PPAN: variants seen among roughly 807,000 people sequenced by gnomAD.
PPAN encodes the protein suppressor of SWI4 1 homolog.
Under a neutral mutation model 48.5 loss-of-function variants are expected in PPAN, and 39 were observed. That is an observed-to-expected ratio of 0.80 (90% CI 0.62 to 1.05). PPAN has a LOEUF of 1.05. PPAN is among the 50% of genes least tolerant of loss of function. The pLI, the probability that PPAN is intolerant of heterozygous loss-of-function variation, is 0.00. For missense variants in PPAN, 736 were observed against 661.7 expected, an observed-to-expected ratio of 1.11 and a Z score of -1.23; for synonymous variants, 315 against 268.6, an observed-to-expected ratio of 1.17 and a Z score of -1.69.
In PPAN at chr19:10,110,144, C is replaced by T. The variant is rs747709880; in HGVS notation, c.720C>T (p.Ser240=). The T allele has an allele frequency of 3.1e-6, 5 of 1,610,360 alleles. No individual in the cohort carries two copies. Among genetic ancestry groups the T allele is most frequent in the Admixed American group, 1.7e-5 (1 of 60,014 alleles). Residue 240 remains serine (S), a synonymous_variant, in exon 8 of 12, where the codon AGC becomes AGT. Transcript: ENST00000253107. The surrounding 1 kb of genome is among the most constrained non-coding windows in gnomAD (Gnocchi z 5.9). ...ACAGGGGCGCGGGGCTGTCGGAGAG[C>T]GAGGCAGAGCCTGACGGCGACCACA... ...LLATGAGLSE[S]EAEPDGDHNI... is the part of the protein sequence containing the mutation.
chr19:10,107,915 G>A (rs543173159), intron 4 of PPAN, 49 bp from the exon 5 acceptor site: 14 of 1,601,260 alleles, frequency 8.7e-6, no homozygotes, highest in Middle Eastern at 1.7e-4. Context: ...GGGGTTGTCC[G>A]CAGCCATGTG....
intron 2 of PPAN, chr19:10,106,901 C>A: frequency 1.4e-6 from 1 of 731,334 alleles, no homozygotes; most frequent in South Asian, 1.8e-5. Flanking sequence ...AGACTGGAAT[C>A]TGGAGCCGGG....
rs1403846716 is a variant in PPAN, at chr19:10,110,356, GGTCCAGGAGGGC to G, written c.859_870del (p.Gln287_Val290del). 1 of 1,613,822 alleles carries G rather than the reference GGTCCAGGAGGGC, an allele frequency of 6.2e-7. No individual in the cohort carries two copies. Among genetic ancestry groups the G allele is most frequent in the Non-Finnish European group, 8.5e-7 (1 of 1,179,974 alleles). On this transcript the variant is annotated inframe_deletion, in exon 9 of 12. Transcript: ENST00000253107. This position sits in a 1 kb window ranked among gnomAD's most constrained non-coding sequence, Gnocchi z 5.9. ...CGCGGATGACACTGCAGCTCATCAA[GGTCCAGGAGGGC>G]GTCGGGGAGGGCAAAGTGATGTTCC... is the stretch of plus-strand genomic sequence containing the variant.
At position 10,107,859 on chromosome 19, in the gene PPAN, GA is replaced by G. The variant is rs1284944895; in HGVS notation, c.342+6del. ...TTGACCTTCCAGGTCAAGAAGGTGA[GA>G]GGGGTGGAGGTGGTACAAAGCCATG... On this transcript the variant is annotated splice_donor_region_variant and intron_variant, in intron 4 of 11. Coordinates refer to ENST00000253107, the MANE Select transcript of PPAN (RefSeq NM_020230.7). 9 of 1,612,870 alleles carry G rather than the reference GA, an allele frequency of 5.6e-6. No homozygotes were observed. The highest frequency in any genetic ancestry group is 2.2e-5 in the East Asian group (1 of 44,858).
intron 2 of PPAN, 179 bp downstream of exon 2, chr19:10,106,850 C>G: frequency 9.9e-7 from 1 of 1,013,224 alleles, no homozygotes; most frequent in Admixed American, 3.0e-5. Context: ...AGTGAGGGCG[C>G]GCAGCTTGGG....
Position 10,111,154 on chromosome 19 carries a change from A to G in PPAN, c.1411A>G (p.Arg471Gly). 6.3e-7 allele frequency: 1 copy of G among 1,591,684 alleles called. No individual in the cohort carries two copies. Among genetic ancestry groups the G allele is most frequent in the Non-Finnish European group, 8.5e-7 (1 of 1,170,892 alleles). ...CCGGGGCCGGGGCCGCCCAGGGAAG[A>G]GAGTGGCCTGAGCCCAAGCCGCACC... ...RGRGRGRPGK[R>G]VA Residue 471 changes from arginine to glycine, a missense_variant, in exon 12 of 12, where the codon AGA becomes GGA. By Grantham distance (125) the Arg-to-Gly change is moderately radical. Transcript: ENST00000253107.
At position 10,106,582 on chromosome 19, in the gene PPAN, T is replaced by C; in HGVS notation, c.100T>C (p.Phe34Leu). Reference sequence around the variant, plus strand: ...TGCCGCGAACCCGCACTCGTTCGTGTTCACGCGAGGCTGCACGGGTCGCAA... The same window carrying C: ...TGCCGCGAACCCGCACTCGTTCGTGCTCACGCGAGGCTGCACGGGTCGCAA... ...AYAANPHSFV[F>L]TRGCTGRNIR... The change falls in exon 2 of 12, where the codon TTC becomes CTC. Residue 34 changes from phenylalanine (F) to leucine (L), a missense_variant. Physicochemically the swap from Phe to Leu is conservative, Grantham distance 22. Transcript: ENST00000253107. 1 of 1,552,766 alleles carries C rather than the reference T, an allele frequency of 6.4e-7. No individual in the cohort carries two copies.
rs545005548 is a variant in PPAN, at chr19:10,111,507, C to T, written c.*342C>T. 269 of 644,052 alleles carry T rather than the reference C, an allele frequency of 4.2e-4. 1 individual carries two copies. In the South Asian group the frequency reaches 4.8e-3, roughly 12 times the overall value. 39.9% of individuals were successfully genotyped at this position (644,052 alleles called of 1,614,324 possible). A position where few individuals can be genotyped will look rare whatever the true frequency, so the allele number is the denominator to read the frequency against. ...CAGTCCCACCAAAGAGCCGTGCAAG[C>T]AGACAGGTCACACTTTCAGCAGATG... On this transcript the variant is annotated 3_prime_UTR_variant, in exon 12 of 12. Transcript: ENST00000253107.
At position 10,110,024 on chromosome 19, in the gene PPAN, A is replaced by AG. The variant is rs1196204058; in HGVS notation, c.698+6dup. ...ACATCAGCGAGCTGCTGGCCACGTG[A>AG]GGAGGGCATAGGGCGGGAGGCCACT... On this transcript the variant is annotated splice_donor_region_variant and intron_variant, in intron 7 of 11. Transcript: ENST00000253107. This position sits in a 1 kb window ranked among gnomAD's most constrained non-coding sequence, Gnocchi z 5.9. 1 of 1,613,788 alleles carries AG rather than the reference A, an allele frequency of 6.2e-7. No homozygotes were observed. Among genetic ancestry groups the AG allele is most frequent in the Non-Finnish European group, 8.5e-7 (1 of 1,179,884 alleles).
Position 10,110,130 on chromosome 19 carries a change from G to A in PPAN, c.706G>A (p.Gly236Arg). 1 of 1,610,728 alleles carries A rather than the reference G, an allele frequency of 6.2e-7. No individual in the cohort carries two copies. The highest frequency in any genetic ancestry group is 8.5e-7 in the Non-Finnish European group (1 of 1,179,896). Residue 236 changes from glycine (G) to arginine (R), a missense_variant, in exon 8 of 12, where the codon GGG becomes AGG. Transcript: ENST00000253107. The surrounding 1 kb of genome is among the most constrained non-coding windows in gnomAD (Gnocchi z 5.9). ...DISELLATGA[G>R]LSESEAEPDG... ...GTTATGTCCTACACACAGGGGCGCGGGGCTGTCGGAGAGCGAGGCAGAGCC... is the reference window on the plus strand; with the variant it reads ...GTTATGTCCTACACACAGGGGCGCGAGGCTGTCGGAGAGCGAGGCAGAGCC...
chr19:10,107,386 C>T (rs1276980207), intron 2 of PPAN, 119 bp from the exon 3 acceptor site: 2 of 1,061,132 alleles, frequency 1.9e-6, no homozygotes, highest in Admixed American at 2.5e-5. Flanking sequence ...TTTTGCTCCT[C>T]TGGGCTTGTT....
In PPAN at chr19:10,111,435, G is replaced by A; in HGVS notation, c.*270G>A. ...TGGGTCTCTCCCCTACCCTGCACGG[G>A]GTTGGTTTCATTGGTGGCAGCAGCA... On this transcript the variant is annotated 3_prime_UTR_variant, in exon 12 of 12. Coordinates refer to ENST00000253107, the MANE Select transcript of PPAN (RefSeq NM_020230.7). 1 of 628,864 alleles carries A rather than the reference G, an allele frequency of 1.6e-6. No homozygotes were observed. The highest frequency in any genetic ancestry group is 1.8e-5 in the African/African-American group (1 of 54,474). The allele number at this position is 628,864 out of a possible 1,614,324, so 39.0% of individuals were successfully genotyped here. A position where few individuals can be genotyped will look rare whatever the true frequency, so the allele number is the denominator to read the frequency against.
At chr19:10,107,117 A>G in intron 2 of PPAN, 1 of 418,284 alleles carries the variant, frequency 2.4e-6, no homozygotes, top group Admixed American at 3.0e-5. Flanking sequence ...AGCCCAGGAA[A>G]TTAAGGCTGT....
rs372396083 is a variant in PPAN, at chr19:10,110,243, C to T, written c.819C>T (p.Thr273=). The change falls in exon 8 of 12, where the codon ACC becomes ACT. Residue 273 remains threonine (T), a synonymous_variant. Transcript: ENST00000253107. The surrounding 1 kb of genome is among the most constrained non-coding windows in gnomAD (Gnocchi z 5.9). ...CCCAGCAGAGTGCAGTGCGGCTCAC[C>T]GAGGTGAGGCCCAGGGCAGGGGGAC... The part of the protein sequence containing the change: ...MRAQQSAVRL[T]EIGPRMTLQL... 4.5e-5 allele frequency: 72 copies of T among 1,611,662 alleles called. 1 individual carries two copies. Among genetic ancestry groups the T allele is most frequent in the Middle Eastern group, 1.7e-4 (1 of 6,054 alleles).
intron 6 of PPAN, 46 bp downstream of exon 6, chr19:10,109,753 G>C: frequency 6.2e-7 from 1 of 1,600,074 alleles, no homozygotes; most frequent in African/African-American, 1.3e-5. Context: ...CCGGGTGGGG[G>C]CCTCCACATG....
chr19:10,111,106 G>T lies in PPAN; in HGVS notation c.1363G>T (p.Ala455Ser), dbSNP rs1302240094. 2 of 1,612,132 alleles carry T rather than the reference G, an allele frequency of 1.2e-6. No homozygotes were observed. The highest frequency in any genetic ancestry group is 1.7e-6 in the Non-Finnish European group (2 of 1,179,482). ...GAQARRGPRG[A>S]SRDGGRGRGR... Reference sequence around the variant, plus strand: ...CCAGGCCAGGCGGGGGCCCAGAGGGGCTTCCCGGGATGGTGGGCGAGGCCG... The same window carrying T: ...CCAGGCCAGGCGGGGGCCCAGAGGGTCTTCCCGGGATGGTGGGCGAGGCCG... The change falls in exon 12 of 12, where the codon GCT (alanine) becomes TCT (serine). Residue 455 changes from alanine (A) to serine (S), a missense_variant. Transcript: ENST00000253107.
rs753986549 is a variant in PPAN at position 10,106,377 on chromosome 19, C to A, written c.-18C>A. The A allele has an allele frequency of 1.3e-6, 2 of 1,549,332 alleles. No homozygotes were observed. The highest frequency in any genetic ancestry group is 1.7e-6 in the Non-Finnish European group (2 of 1,145,916). On this transcript the variant is annotated 5_prime_UTR_variant, in exon 1 of 12. Transcript: ENST00000253107. ...CGGAAGCGGCGGACGCAGGAGGCCT[C>A]GTGGAGGACACAGCAGCATGGGACA...
rs764932589 is a variant in PPAN at position 10,110,383 on chromosome 19, A to G, written c.882A>G (p.Lys294=). The change falls in exon 9 of 12, where the codon AAA becomes AAG. Residue 294 remains lysine (K), a synonymous_variant. Coordinates refer to ENST00000253107, the MANE Select transcript of PPAN (RefSeq NM_020230.7). This position sits in a 1 kb window ranked among gnomAD's most constrained non-coding sequence, Gnocchi z 5.9. The stretch of plus-strand genomic sequence containing the variant: ...TCCAGGAGGGCGTCGGGGAGGGCAA[A>G]GTGATGTTCCACAGTTTTGGTGAGG... ...IKVQEGVGEG[K]VMFHSFVSKT... 17 of 1,612,718 alleles carry G rather than the reference A, an allele frequency of 1.1e-5. No individual in the cohort carries two copies. The highest frequency in any genetic ancestry group is 1.4e-5 in the Non-Finnish European group (17 of 1,179,642).
chr19:10,109,886 C>G (rs1215366480), intron 6 of PPAN, 27 bp from the exon 7 acceptor site: 3 of 1,612,266 alleles, frequency 1.9e-6, no homozygotes, highest in East Asian at 2.2e-5. Flanking sequence ...CTGACCACCC[C>G]CTTGCCGTCC....
Sources: gnomAD v4.1 joint callset for allele counts on GRCh38, gnomAD v4.1.1 for gene constraint, Gnocchi (gnomAD v3.1) non-coding constraint, MANE v1.5 for transcripts, NCBI Gene and HGNC (gene_info 2026-07-23, HGNC 2026-07-21) for gene names.